NRIP3: variants seen among roughly 807,000 people sequenced by gnomAD.
NRIP3 encodes the protein nuclear receptor interacting protein 3.
Under a neutral mutation model 29.0 loss-of-function variants are expected in NRIP3, and 31 were observed. The ratio of observed to expected loss-of-function variants is 1.07; its 90% CI spans 0.80 to 1.44. The LOEUF is 1.44. Ranked by LOEUF, NRIP3 falls within the 40% of genes most tolerant of loss-of-function variation. The probability of loss-of-function intolerance (pLI) is 0.00; values close to 1 mark genes in which losing one functional copy is unlikely to be tolerated. For synonymous variants in NRIP3, 131 were observed against 118.3 expected, an observed-to-expected ratio of 1.11 and a Z score of -0.70; for missense variants, 314 against 297.9, an observed-to-expected ratio of 1.05 and a Z score of -0.40.
In NRIP3 at chr11:8,983,179, G is replaced by A. The variant is rs193066189; in HGVS notation, c.*366C>T. 1 of 401,658 alleles carries A rather than the reference G, an allele frequency of 2.5e-6. No individual in the cohort carries two copies. Among genetic ancestry groups the A allele is most frequent in the Non-Finnish European group, 4.6e-6 (1 of 216,182 alleles). The allele number at this position is 401,658 out of a possible 1,614,324, so 24.9% of individuals were successfully genotyped here. A position where few individuals can be genotyped will look rare whatever the true frequency, so the allele number is the denominator to read the frequency against. ...CAGGTTCCTGTTTATTATACATTTA[G>A]CTATAGGAAAAGAAGCACATATATC... is the stretch of plus-strand genomic sequence containing the variant. On this transcript the variant is annotated 3_prime_UTR_variant, in exon 7 of 7. Coordinates refer to ENST00000309166, the MANE Select transcript of NRIP3 (RefSeq NM_020645.3).
intron 1 of NRIP3, among the ~76,000 whole-genome samples, chr11:8,989,517 G>A (rs1373143241): frequency 6.6e-6 from 1 of 152,188 alleles, no homozygotes; most frequent in Non-Finnish European, 1.5e-5. Flanking sequence ...AGATTCCTAA[G>A]GAAGAATGCA....
intron 4 of NRIP3, 106 bp downstream of exon 4, chr11:8,985,605 T>G (rs1854508205): frequency 7.0e-7 from 1 of 1,430,622 alleles, no homozygotes; most frequent in East Asian, 2.3e-5. Context: ...TGGGAACCAT[T>G]TTGAAAAAGT....
chr11:8,985,193 G>A (rs1316012883), intron 4 of NRIP3, among the ~76,000 whole-genome samples: 3 of 130,644 alleles, frequency 2.3e-5, no homozygotes, highest in East Asian at 2.2e-4. Flanking sequence ...TTTTTGAGAC[G>A]GAGTCTTGTT....
intron 1 of NRIP3, among the ~76,000 whole-genome samples, chr11:8,988,533 T>A (rs575431909): frequency 2.0e-5 from 3 of 152,212 alleles, no homozygotes; most frequent in Non-Finnish European, 4.4e-5. Context: ...AGAGGGCCGA[T>A]AAATATTCTA....
At chr11:8,999,845 C>T (rs1316643646) in intron 1 of NRIP3, among the ~76,000 whole-genome samples, 2 of 152,184 alleles carry the variant, frequency 1.3e-5, no homozygotes, top group Non-Finnish European at 2.9e-5. Flanking sequence ...TGCCGGACAA[C>T]CCTGTACAAA....
rs1034578208 is a variant in NRIP3 at position 8,983,200 on chromosome 11, A to G, written c.*345T>C. The G allele has an allele frequency of 9.3e-6, 4 of 432,080 alleles. No homozygotes were observed. Among genetic ancestry groups the G allele is most frequent in the African/African-American group, 2.0e-5 (1 of 49,248 alleles). The allele number at this position is 432,080 out of a possible 1,614,324, so 26.8% of individuals were successfully genotyped here. ...TTTAGCTATAGGAAAAGAAGCACAT[A>G]TATCTATGGAGACACAGAACCTGGC... On this transcript the variant is annotated 3_prime_UTR_variant, in exon 7 of 7. Transcript: ENST00000309166.
intron 1 of NRIP3, among the ~76,000 whole-genome samples, chr11:8,988,892 G>A (rs1344777459): frequency 6.6e-6 from 1 of 152,198 alleles, no homozygotes; most frequent in African/African-American, 2.4e-5. Flanking sequence ...CACTTGCTGA[G>A]CAAGCCTCTC....
At chr11:8,987,655 A>G (rs763319092) in intron 2 of NRIP3, 25 bp from the exon 3 acceptor site, 3 of 1,575,512 alleles carry the variant, frequency 1.9e-6, no homozygotes, top group Admixed American at 3.3e-5. Context: ...TGTACTGTTC[A>G]ATAAGAGCCA....
At chr11:8,985,282 G>A (rs1854499076) in intron 4 of NRIP3, among the ~76,000 whole-genome samples, 1 of 148,732 alleles carries the variant, frequency 6.7e-6, no homozygotes, top group Non-Finnish European at 1.5e-5. Flanking sequence ...CCATTCTCCT[G>A]CCTTAGCCTC....
upstream of NRIP3, chr11:9,004,039 C>A: frequency 8.6e-7 from 1 of 1,167,738 alleles, no homozygotes; most frequent in South Asian, 2.2e-5. Context: ...TATAGCCGAG[C>A]GTGACGTCGC....
chr11:8,989,088 T>C (rs925742131), intron 1 of NRIP3, among the ~76,000 whole-genome samples: 16 of 152,196 alleles, frequency 1.1e-4, no homozygotes, highest in African/African-American at 2.4e-5. Flanking sequence ...AATTAGACCT[T>C]ATATGCATGC....
chr11:8,990,136 A>G (rs779838170), intron 1 of NRIP3, among the ~76,000 whole-genome samples: 5 of 152,204 alleles, frequency 3.3e-5, no homozygotes, highest in Non-Finnish European at 7.3e-5. Flanking sequence ...AAAACATACT[A>G]AAAGTTCCTA....
intron 3 of NRIP3, 22 bp from the exon 4 acceptor site, chr11:8,985,872 C>G (rs2134908949): frequency 1.2e-6 from 2 of 1,612,562 alleles, no homozygotes; most frequent in East Asian, 4.5e-5. Flanking sequence ...AGGAAGATAC[C>G]AAAATCCCCT....
In NRIP3 at chr11:8,983,552, T is replaced by C; in HGVS notation, c.719A>G (p.Glu240Gly). The stretch of plus-strand genomic sequence containing the variant: ...ACATGCTGCAGGCTGTAGTTATGCT[T>C]CTGAAGTGCTGAAATGAGAAATAAA... ...TVSLNEDNTS[E>G]A Residue 240 changes from glutamate (E) to glycine (G), a missense_variant, in exon 7 of 7, where the codon GAA (glutamate) becomes GGA (glycine). Physicochemically the swap from Glu to Gly is moderately conservative, Grantham distance 98. Transcript: ENST00000309166. 1 of 1,613,794 alleles carries C rather than the reference T, an allele frequency of 6.2e-7. No individual in the cohort carries two copies. Among genetic ancestry groups the C allele is most frequent in the Non-Finnish European group, 8.5e-7 (1 of 1,179,762 alleles).
Position 8,995,819 on chromosome 11 carries a change from C to CT in NRIP3, c.175-7538_175-7537insA, listed in dbSNP as rs530267127. Among the ~76,000 whole-genome samples, 304 of 152,364 alleles carry CT rather than the reference C, an allele frequency of 2.0e-3. 1 individual carries two copies. Among genetic ancestry groups the CT allele is most frequent in the African/African-American group, 6.9e-3 (289 of 41,594 alleles). On this transcript the variant is annotated intron_variant, in intron 1 of 6. Coordinates refer to ENST00000309166, the MANE Select transcript of NRIP3 (RefSeq NM_020645.3). ...ACCAACTGGCCCTTGCCTCTCCTTC[C>CT]ATATACAAACCACTCTCCCTTTATT...
chr11:8,994,588 A>G (rs1244022686), intron 1 of NRIP3, among the ~76,000 whole-genome samples: 1 of 152,232 alleles, frequency 6.6e-6, no homozygotes, highest in Non-Finnish European at 1.5e-5. Context: ...CACATCCTTG[A>G]CAGACAAGTT....
Position 8,983,576 on chromosome 11 carries a change from A to T in NRIP3, c.711-16T>A. 6.2e-7 allele frequency: 1 copy of T among 1,612,862 alleles called. No individual in the cohort carries two copies. Among genetic ancestry groups the T allele is most frequent in the Non-Finnish European group, 8.5e-7 (1 of 1,179,136 alleles). On this transcript the variant is annotated splice_polypyrimidine_tract_variant and intron_variant, in intron 6 of 6. Coordinates refer to ENST00000309166, the MANE Select transcript of NRIP3 (RefSeq NM_020645.3). Reference sequence around the variant, plus strand: ...TTCTGAAGTGCTGAAATGAGAAATAAATATCAGGAGAAATAATGCCAAATT... The same window carrying T: ...TTCTGAAGTGCTGAAATGAGAAATATATATCAGGAGAAATAATGCCAAATT...
chr11:8,994,134 T>G (rs1336367531), intron 1 of NRIP3, among the ~76,000 whole-genome samples: 2 of 152,208 alleles, frequency 1.3e-5, no homozygotes, highest in Non-Finnish European at 2.9e-5. Context: ...CTATTGACTC[T>G]GTTAATTCTC....
chr11:8,992,097 T>C (rs935199718), intron 1 of NRIP3, among the ~76,000 whole-genome samples: 1 of 152,250 alleles, frequency 6.6e-6, no homozygotes, highest in Non-Finnish European at 1.5e-5. Flanking sequence ...TGAGCTGTTA[T>C]ATATTTGCAT....
Sources: gnomAD v4.1 joint callset for allele counts (sites outside exome capture counted in the v4.1 genomes callset) on GRCh38, gnomAD v4.1.1 for gene constraint, MANE v1.5 for transcripts, NCBI Gene and HGNC (gene_info 2026-07-23, HGNC 2026-07-21) for gene names.